FAM171A1: variants seen among roughly 807,000 people sequenced by gnomAD.
FAM171A1 encodes the protein family with sequence similarity 171 member A1, also known as protein FAM171A1.
Under a neutral mutation model 74.9 loss-of-function variants are expected in FAM171A1, and 23 were observed. The ratio of observed to expected loss-of-function variants is 0.31; its 90% CI spans 0.22 to 0.44. The LOEUF is 0.44. Ranked by LOEUF, FAM171A1 falls within the 20% of genes least tolerant of loss-of-function variation. FAM171A1 has a pLI of 1.00. For synonymous variants in FAM171A1, 527 were observed against 505.7 expected, an observed-to-expected ratio of 1.04 and a Z score of -0.57; for missense variants, 1,162 against 1,159.2, an observed-to-expected ratio of 1.00 and a Z score of -0.03.
chr10:15,266,820 G>A (rs1834748610), intron 3 of FAM171A1, among the ~76,000 whole-genome samples: 1 of 147,936 alleles, frequency 6.8e-6, no homozygotes, highest in Admixed American at 6.9e-5. Flanking sequence ...AGTGAGCTGT[G>A]ATTGCACCAC....
At chr10:15,325,469 C>G (rs1348173561) in intron 1 of FAM171A1, among the ~76,000 whole-genome samples, 4 of 152,148 alleles carry the variant, frequency 2.6e-5, no homozygotes, top group Admixed American at 2.6e-4. Flanking sequence ...GATGGAGCCA[C>G]CGTACTCCAG....
At chr10:15,300,867 T>G (rs1202629869) in intron 1 of FAM171A1, among the ~76,000 whole-genome samples, 1 of 152,256 alleles carries the variant, frequency 6.6e-6, no homozygotes, top group East Asian at 1.9e-4. Flanking sequence ...TGCTAGCCAT[T>G]TTTATAATTA....
At chr10:15,274,958 T>C (rs1834874498) in intron 3 of FAM171A1, among the ~76,000 whole-genome samples, 1 of 152,114 alleles carries the variant, frequency 6.6e-6, no homozygotes, top group Non-Finnish European at 1.5e-5. Context: ...TGTAGGGACA[T>C]GGATGAAGCT....
rs1833963371 is a variant in FAM171A1, at chr10:15,216,092, T to C, written c.890A>G (p.Asp297Gly). Reference sequence around the variant, plus strand: ...AAACACCGTGTGATACGTGGTAATGTCCTGTGTTACAACGGGACCTAGAAG... The same window carrying C: ...AAACACCGTGTGATACGTGGTAATGCCCTGTGTTACAACGGGACCTAGAAG... ...PPIPGPVVTQDITTYHTVFLL... is the reference protein window; with the variant it reads ...PPIPGPVVTQGITTYHTVFLL... Residue 297 changes from aspartate to glycine, a missense_variant, in exon 7 of 8, where the codon GAC becomes GGC. Asp to Gly is a moderately conservative substitution (Grantham distance 94). Coordinates refer to ENST00000378116, the MANE Select transcript of FAM171A1 (RefSeq NM_001010924.2). 6.2e-7 allele frequency: 1 copy of C among 1,601,640 alleles called. No individual in the cohort carries two copies. The highest frequency in any genetic ancestry group is 8.5e-7 in the Non-Finnish European group (1 of 1,177,296).
intron 1 of FAM171A1, among the ~76,000 whole-genome samples, chr10:15,306,898 C>A (rs10752362): frequency 6.6e-6 from 1 of 152,050 alleles, no homozygotes; most frequent in African/African-American, 2.4e-5. Flanking sequence ...ATGACTAACA[C>A]TCCTGCCAGA....
At chr10:15,244,021 A>G (rs536467729) in intron 5 of FAM171A1, among the ~76,000 whole-genome samples, 1 of 152,206 alleles carries the variant, frequency 6.6e-6, no homozygotes, top group Non-Finnish European at 1.5e-5. Flanking sequence ...AAGTGCTGGG[A>G]TTACAGGCAT....
intron 1 of FAM171A1, among the ~76,000 whole-genome samples, chr10:15,291,324 C>T (rs1036834555): frequency 6.6e-6 from 1 of 152,294 alleles, no homozygotes; most frequent in Non-Finnish European, 1.5e-5. Context: ...CTTAACACAA[C>T]ACTACCTGAT....
intron 1 of FAM171A1, among the ~76,000 whole-genome samples, chr10:15,327,200 T>G (rs1480239505): frequency 1.3e-5 from 2 of 152,186 alleles, no homozygotes; most frequent in Non-Finnish European, 2.9e-5. Context: ...CTACCCATTA[T>G]CAGCTGTGTA....
intron 1 of FAM171A1, among the ~76,000 whole-genome samples, chr10:15,327,503 T>G (rs186959246): frequency 6.6e-6 from 1 of 152,094 alleles, no homozygotes; most frequent in African/African-American, 2.4e-5. Flanking sequence ...ACATAGAAAT[T>G]AGCTGGGCGT....
chr10:15,331,021 C>T (rs1440287278), intron 1 of FAM171A1, among the ~76,000 whole-genome samples: 1 of 151,998 alleles, frequency 6.6e-6, no homozygotes, highest in African/African-American at 2.4e-5. Flanking sequence ...TCCCAAGTAG[C>T]TGGGATTACA....
At chr10:15,236,473 C>A (rs1834292063) in intron 5 of FAM171A1, among the ~76,000 whole-genome samples, 1 of 151,870 alleles carries the variant, frequency 6.6e-6, no homozygotes, top group East Asian at 1.9e-4. Context: ...GAGGAGAAAA[C>A]TGAAGCCCAG....
At chr10:15,234,919 C>G (rs1346111763) in intron 5 of FAM171A1, among the ~76,000 whole-genome samples, 2 of 152,106 alleles carry the variant, frequency 1.3e-5, no homozygotes, top group Admixed American at 1.3e-4. Flanking sequence ...GCCTCGGCCC[C>G]CCAGAGTGCT....
chr10:15,295,884 C>T (rs549295671), intron 1 of FAM171A1, among the ~76,000 whole-genome samples: 8 of 152,266 alleles, frequency 5.3e-5, no homozygotes, highest in South Asian at 2.1e-4. Flanking sequence ...AGGGGAGTTA[C>T]GACGGCTTTT....
intron 5 of FAM171A1, among the ~76,000 whole-genome samples, chr10:15,239,778 T>C (rs1834340972): frequency 6.6e-6 from 1 of 152,246 alleles, no homozygotes; most frequent in African/African-American, 2.4e-5. Flanking sequence ...TAACAAAACA[T>C]GTCAATGTGA....
intron 1 of FAM171A1, among the ~76,000 whole-genome samples, chr10:15,315,833 C>T (rs1835415446): frequency 6.6e-6 from 1 of 152,140 alleles, no homozygotes; most frequent in Admixed American, 6.5e-5. Flanking sequence ...TTACCTCTTT[C>T]CCCTTGCCCT....
intron 1 of FAM171A1, among the ~76,000 whole-genome samples, chr10:15,346,638 T>C (rs918159249): frequency 6.6e-6 from 1 of 152,184 alleles, no homozygotes; most frequent in Non-Finnish European, 1.5e-5. Flanking sequence ...ATGTCCAGGC[T>C]CTTATCTGGC....
chr10:15,248,840 C>T (rs956170392), intron 4 of FAM171A1, 25 bp from the exon 5 acceptor site: 1 of 1,585,976 alleles, frequency 6.3e-7, no homozygotes. Flanking sequence ...CATTTTCCAT[C>T]ATTTGCATGC....
chr10:15,266,271 G>A (rs1048539669), intron 3 of FAM171A1, among the ~76,000 whole-genome samples: 1 of 152,166 alleles, frequency 6.6e-6, no homozygotes, highest in East Asian at 1.9e-4. Flanking sequence ...GAGAGCTGCT[G>A]GGTCCCACCT....
intron 5 of FAM171A1, among the ~76,000 whole-genome samples, chr10:15,246,305 C>T (rs1313810128): frequency 1.3e-5 from 2 of 152,200 alleles, no homozygotes; most frequent in African/African-American, 2.4e-5. Context: ...CAAATAATTA[C>T]AGTGTCTCTA....
Sources: allele counts gnomAD v4.1 joint callset (sites outside exome capture counted in the v4.1 genomes callset), GRCh38; gene constraint gnomAD v4.1.1; transcripts MANE v1.5; gene names NCBI Gene and HGNC (gene_info 2026-07-23, HGNC 2026-07-21).